PKHD1: variants seen among roughly 807,000 people sequenced by gnomAD.
PKHD1 encodes the protein PKHD1 ciliary IPT domain containing fibrocystin/polyductin, also known as fibrocystin.
Under a neutral mutation model 412.0 loss-of-function variants are expected in PKHD1, and 291 were observed. The observed-to-expected ratio is 0.71, with a 90% CI of 0.64 to 0.78. PKHD1 has a LOEUF of 0.78. Among genes scored for constraint, PKHD1 ranks in the 30% least tolerant of loss-of-function variants. PKHD1 has a pLI of 0.00. For missense variants in PKHD1, 4,825 were observed against 4,950.7 expected, an observed-to-expected ratio of 0.97 and a Z score of 0.76; for synonymous variants, 1,777 against 1,821.5, an observed-to-expected ratio of 0.98 and a Z score of 0.62.
At chr6:51,981,562 G>T (rs1202718425) in intron 35 of PKHD1, among the ~76,000 whole-genome samples, 1 of 149,438 alleles carries the variant, frequency 6.7e-6, no homozygotes, top group Non-Finnish European at 1.5e-5. Context: ...CGAGTGATCC[G>T]CCAGCCTCGG....
chr6:51,730,204 C>A (rs1783072719), intron 60 of PKHD1, among the ~76,000 whole-genome samples: 1 of 152,006 alleles, frequency 6.6e-6, no homozygotes, highest in Non-Finnish European at 1.5e-5. Flanking sequence ...TTTTAATATT[C>A]TTTAAGAAGT....
intron 60 of PKHD1, among the ~76,000 whole-genome samples, chr6:51,719,102 GT>G (rs1307280467): frequency 1.4e-5 from 1 of 73,308 alleles, no homozygotes; most frequent in African/African-American, 7.8e-5. Flanking sequence ...CCAATTTTAA[GT>G]GCATATATAA....
rs1391399329 is a variant in PKHD1 at position 52,054,100 on chromosome 6, G to T, written c.1902C>A (p.Gly634=). Residue 634 remains glycine (G), a synonymous_variant, in exon 20 of 67, where the codon GGC becomes GGA. Coordinates refer to ENST00000371117, the MANE Select transcript of PKHD1 (RefSeq NM_138694.4). ...ILKMIVSFTI[G]FQNMVKNTTC... is the part of the protein sequence containing the mutation. ...TGGTATTCTTTACCATGTTTTGAAA[G>T]CCGATTGTGAAGGACACAATCATCT... 6.2e-7 allele frequency: 1 copy of T among 1,613,944 alleles called. No individual in the cohort carries two copies.
At chr6:51,917,252 G>A (rs1783970162) in intron 37 of PKHD1, among the ~76,000 whole-genome samples, 1 of 151,508 alleles carries the variant, frequency 6.6e-6, no homozygotes, top group Non-Finnish European at 1.5e-5. Context: ...TTAAAATAAT[G>A]TTTGCATCAG....
rs1041883138 is a variant in PKHD1, at chr6:52,025,313, C to T, written c.4497G>A (p.Leu1499=). 1.2e-6 allele frequency: 2 copies of T among 1,614,036 alleles called. No homozygotes were observed. Among genetic ancestry groups the T allele is most frequent in the Non-Finnish European group, 1.7e-6 (2 of 1,180,014 alleles). Reference sequence around the variant, plus strand: ...TCTGACCCCTAATCAGCACAGTGGTCAGAGACCCACTGGTGTTTGTGGACA... The same window carrying T: ...TCTGACCCCTAATCAGCACAGTGGTTAGAGACCCACTGGTGTTTGTGGACA... ...DALSTNTSGS[L]TTVLIRGQRL... is the part of the protein sequence containing the mutation. Residue 1499 remains leucine, a synonymous_variant, in exon 32 of 67, where the codon CTG becomes CTA. Transcript: ENST00000371117.
chr6:52,040,093 G>T (rs1804603592), intron 27 of PKHD1, among the ~76,000 whole-genome samples: 1 of 152,158 alleles, frequency 6.6e-6, no homozygotes, highest in Non-Finnish European at 1.5e-5. Context: ...GGTTACCAGG[G>T]ATTGGGAAGA....
chr6:52,052,411 G>A lies in PKHD1; in HGVS notation c.2140+665C>T, dbSNP rs549440872. Among the ~76,000 whole-genome samples, 12 of 152,308 alleles carry A rather than the reference G, an allele frequency of 7.9e-5. No individual in the cohort carries two copies. In the East Asian group the frequency reaches 1.9e-3, roughly 24 times the overall value. On this transcript the variant is annotated intron_variant, in intron 21 of 66. Transcript: ENST00000371117. ...CCCAAGAGTGGTCAAGGGAGAGTTC[G>A]GGAAGGAAGAGCCGGGCCTGATCTC...
chr6:51,835,621 G>T lies in PKHD1; in HGVS notation c.8173+783C>A, dbSNP rs137880572. 3.3e-3 allele frequency among the ~76,000 whole-genome samples: 504 copies of T among 152,254 alleles called. 4 individuals carry two copies. Among genetic ancestry groups the T allele is most frequent in the African/African-American group, 0.012 (484 of 41,538 alleles). Reference sequence around the variant, plus strand: ...ACAAGGAACATAAAAAACAAAGTGTGGTGGCAGCTCAGAAAACATTCTGAA... The same window carrying T: ...ACAAGGAACATAAAAAACAAAGTGTTGTGGCAGCTCAGAAAACATTCTGAA... On this transcript the variant is annotated intron_variant, in intron 51 of 66. Transcript: ENST00000371117.
At chr6:52,004,329 T>G (rs1798796750) in intron 35 of PKHD1, among the ~76,000 whole-genome samples, 1 of 152,198 alleles carries the variant, frequency 6.6e-6, no homozygotes, top group Admixed American at 6.5e-5. Flanking sequence ...TCTATAATTT[T>G]TATTAATTTT....
chr6:51,776,338 T>C (rs1375874300), intron 53 of PKHD1, among the ~76,000 whole-genome samples: 3 of 152,014 alleles, frequency 2.0e-5, no homozygotes, highest in Non-Finnish European at 4.4e-5. Flanking sequence ...TTCTCTACCA[T>C]GAATACAGAA....
intron 60 of PKHD1, among the ~76,000 whole-genome samples, chr6:51,660,709 G>A (rs539712511): frequency 6.6e-6 from 1 of 152,264 alleles, no homozygotes; most frequent in South Asian, 2.1e-4. Context: ...AGATGGAAGA[G>A]ACGCATAGGA....
chr6:51,917,917 A>G (rs918339466), intron 37 of PKHD1, among the ~76,000 whole-genome samples: 21 of 152,290 alleles, frequency 1.4e-4, no homozygotes, highest in African/African-American at 4.6e-4. Flanking sequence ...AAACTGTTTT[A>G]AGCCCATAGT....
At chr6:51,710,050 A>G (rs1377908441) in intron 60 of PKHD1, among the ~76,000 whole-genome samples, 1 of 151,962 alleles carries the variant, frequency 6.6e-6, no homozygotes, top group Non-Finnish European at 1.5e-5. Context: ...CTGTACTAAA[A>G]ATACAAAAAA....
intron 50 of PKHD1, among the ~76,000 whole-genome samples, chr6:51,845,759 A>G (rs1374445792): frequency 6.6e-6 from 1 of 152,230 alleles, no homozygotes; most frequent in Non-Finnish European, 1.5e-5. Flanking sequence ...ATAACTTGCT[A>G]TTAATTCAAT....
chr6:51,766,558 A>AT (rs913156643), intron 55 of PKHD1, among the ~76,000 whole-genome samples: 4 of 151,604 alleles, frequency 2.6e-5, no homozygotes, highest in African/African-American at 4.8e-5. Flanking sequence ...AGCAAGATGT[A>AT]TTTTTTTTGT....
chr6:52,058,873 C>T (rs139222500), intron 15 of PKHD1, among the ~76,000 whole-genome samples: 193 of 152,216 alleles, frequency 1.3e-3, no homozygotes, highest in Non-Finnish European at 1.9e-3. Flanking sequence ...GAACAACCAA[C>T]CTAAACCCTA....
chr6:51,693,325 C>T (rs1778399712), intron 60 of PKHD1, among the ~76,000 whole-genome samples: 2 of 152,226 alleles, frequency 1.3e-5, no homozygotes, highest in South Asian at 4.1e-4. Context: ...TTACTATCTA[C>T]TACTTAACAA....
chr6:51,656,623 C>T (rs1423411076), intron 61 of PKHD1, among the ~76,000 whole-genome samples: 1 of 150,556 alleles, frequency 6.6e-6, no homozygotes, highest in Non-Finnish European at 1.5e-5. Flanking sequence ...TACTCCGTTT[C>T]TTCCCACAAA....
chr6:51,775,555 A>G (rs562587577), intron 54 of PKHD1, among the ~76,000 whole-genome samples: 1 of 152,012 alleles, frequency 6.6e-6, no homozygotes, highest in South Asian at 2.1e-4. Context: ...CTGGATCTTA[A>G]TCCATAATGC....
Sources: allele counts gnomAD v4.1 joint callset (sites outside exome capture counted in the v4.1 genomes callset), GRCh38; gene constraint gnomAD v4.1.1; transcripts MANE v1.5; gene names NCBI Gene and HGNC (gene_info 2026-07-23, HGNC 2026-07-21).